Variants in LYPLAL1 observed in about 807,000 individuals in gnomAD.
LYPLAL1 encodes the protein lysophospholipase-like protein 1.
LYPLAL1 carries 23 observed loss-of-function variants against 19.7 expected under a neutral mutation model. The observed-to-expected ratio is 1.17, with a 90% CI of 0.84 to 1.65. LYPLAL1 has a LOEUF of 1.65. Among genes scored for constraint, LYPLAL1 ranks in the 40% most tolerant of loss-of-function variants. The pLI is 0.00. For synonymous variants in LYPLAL1, 119 were observed against 96.3 expected, an observed-to-expected ratio of 1.24 and a Z score of -1.38; for missense variants, 355 against 279.4, an observed-to-expected ratio of 1.27 and a Z score of -1.93.
chr1:219,192,548 T>C (rs989873088), intron 2 of LYPLAL1, among the ~76,000 whole-genome samples: 9 of 151,816 alleles, frequency 5.9e-5, no homozygotes, highest in African/African-American at 1.9e-4. Context: ...CCGTTTTTCA[T>C]ATTTGGAAAA....
chr1:219,245,473 A>G, the LYPLAL1 span, among the ~76,000 whole-genome samples: 1 of 152,234 alleles, frequency 6.6e-6, no homozygotes, highest in Non-Finnish European at 1.5e-5. Context: ...CAACACAGGC[A>G]TTGAAATAAG....
At chr1:219,422,466 G>C in the LYPLAL1 span, among the ~76,000 whole-genome samples, 1 of 152,166 alleles carries the variant, frequency 6.6e-6, no homozygotes, top group South Asian at 2.1e-4. Flanking sequence ...CAGAGCAGGA[G>C]AGAGAGATTA....
chr1:219,256,435 TCTTTC>T, the LYPLAL1 span, among the ~76,000 whole-genome samples: 4 of 44,142 alleles, frequency 9.1e-5, no homozygotes, highest in East Asian at 3.3e-3. Context: ...TTTGCTTCTC[TCTTTC>T]TTTTCTTTCT....
the LYPLAL1 span, among the ~76,000 whole-genome samples, chr1:219,440,439 A>G: frequency 1.3e-5 from 2 of 152,112 alleles, no homozygotes; most frequent in Non-Finnish European, 2.9e-5. Context: ...CTGGATCTTC[A>G]TGTACCATAG....
At chr1:219,275,341 C>T in the LYPLAL1 span, among the ~76,000 whole-genome samples, 6 of 152,148 alleles carry the variant, frequency 3.9e-5, no homozygotes, top group Admixed American at 2.0e-4. Context: ...CCCACTGGTT[C>T]CCAAGTTCCT....
the LYPLAL1 span, among the ~76,000 whole-genome samples, chr1:219,264,095 A>AT: frequency 1.3e-5 from 2 of 152,078 alleles, no homozygotes; most frequent in African/African-American, 4.8e-5. Context: ...TCCAATTTTT[A>AT]TTTTTTAAAA....
the LYPLAL1 span, among the ~76,000 whole-genome samples, chr1:219,389,855 T>A: frequency 6.6e-6 from 1 of 152,186 alleles, no homozygotes; most frequent in East Asian, 1.9e-4. Context: ...AAAGGCAATA[T>A]TTGCAATAAA....
At chr1:219,264,171 TC>T in the LYPLAL1 span, among the ~76,000 whole-genome samples, 1 of 152,226 alleles carries the variant, frequency 6.6e-6, no homozygotes, top group Admixed American at 6.5e-5. Flanking sequence ...CAGGTCTGTA[TC>T]ACACAGTACT....
At chr1:219,389,412 T>C in the LYPLAL1 span, among the ~76,000 whole-genome samples, 2 of 152,292 alleles carry the variant, frequency 1.3e-5, no homozygotes, top group African/African-American at 4.8e-5. Flanking sequence ...AGTTTGTGCC[T>C]TCTCCATTGA....
At chr1:219,302,026 A>G in the LYPLAL1 span, among the ~76,000 whole-genome samples, 1 of 152,182 alleles carries the variant, frequency 6.6e-6, no homozygotes, top group African/African-American at 2.4e-5. Context: ...TCTAATTAGA[A>G]AAAGGAACTT....
At chr1:219,370,889 A>G in the LYPLAL1 span, among the ~76,000 whole-genome samples, 2 of 152,236 alleles carry the variant, frequency 1.3e-5, no homozygotes, top group South Asian at 4.1e-4. Flanking sequence ...GAGCACCAAT[A>G]AAGGAGATTG....
the LYPLAL1 span, among the ~76,000 whole-genome samples, chr1:219,414,268 A>G: frequency 1.3e-5 from 2 of 152,154 alleles, no homozygotes; most frequent in South Asian, 4.1e-4. Context: ...CCAATCCTAT[A>G]TTACTTTATG....
chr1:219,192,804 A>G (rs1002765304), intron 2 of LYPLAL1, among the ~76,000 whole-genome samples: 1 of 151,684 alleles, frequency 6.6e-6, no homozygotes, highest in African/African-American at 2.4e-5. Context: ...TGAATGGATT[A>G]AGATTCACTG....
the LYPLAL1 span, among the ~76,000 whole-genome samples, chr1:219,342,048 A>G: frequency 6.6e-6 from 1 of 152,116 alleles, no homozygotes; most frequent in African/African-American, 2.4e-5. Context: ...CTTTTTTTGT[A>G]ACACAGTCAA....
chr1:219,253,706 C>T, the LYPLAL1 span, among the ~76,000 whole-genome samples: 2 of 151,602 alleles, frequency 1.3e-5, no homozygotes, highest in African/African-American at 4.8e-5. Flanking sequence ...TTATGTGGTT[C>T]GTTTTAGAGT....
the LYPLAL1 span, among the ~76,000 whole-genome samples, chr1:219,316,669 T>C: frequency 6.6e-6 from 1 of 152,142 alleles, no homozygotes; most frequent in African/African-American, 2.4e-5. Flanking sequence ...CAAATGTATA[T>C]GCAAAAATGT....
At chr1:219,192,434 C>T (rs1403164022) in intron 2 of LYPLAL1, among the ~76,000 whole-genome samples, 1 of 151,534 alleles carries the variant, frequency 6.6e-6, no homozygotes, top group East Asian at 1.9e-4. Context: ...ACTATAGGCA[C>T]TTTTGTCACT....
the LYPLAL1 span, among the ~76,000 whole-genome samples, chr1:219,218,729 T>C: frequency 6.6e-6 from 1 of 152,118 alleles, no homozygotes. Context: ...TACAGACCCA[T>C]GCATGTGTTA....
intron 2 of LYPLAL1, among the ~76,000 whole-genome samples, chr1:219,189,040 A>G (rs955388256): frequency 1.3e-5 from 2 of 151,732 alleles, no homozygotes; most frequent in Admixed American, 6.6e-5. Context: ...CTCCATTTGA[A>G]CAGAATTTTA....
Sources: allele counts gnomAD v4.1 joint callset (sites outside exome capture counted in the v4.1 genomes callset), GRCh38; gene constraint gnomAD v4.1.1; transcripts MANE v1.5; gene names NCBI Gene and HGNC (gene_info 2026-07-23, HGNC 2026-07-21).